ANK2: variants seen among roughly 807,000 people sequenced by gnomAD.
The protein encoded by ANK2 is ankyrin-2.
ANK2 carries 83 observed loss-of-function variants against 360.5 expected under a neutral mutation model. The observed-to-expected ratio is 0.23, with a 90% CI of 0.19 to 0.28. The LOEUF (loss-of-function observed/expected upper bound fraction) is 0.28, where lower values mean the gene tolerates loss of function less well. Ranked by LOEUF, ANK2 falls within the 10% of genes least tolerant of loss-of-function variation. The pLI, the probability that ANK2 is intolerant of heterozygous loss-of-function variation, is 1.00. For synonymous variants in ANK2, 1,740 were observed against 1,759.5 expected (o/e 0.99, Z 0.28); for missense variants, 4,201 against 4,795.7 (o/e 0.88, Z 3.66).
chr4:113,205,686 T>C (rs1276138520), intron 4 of ANK2, among the ~76,000 whole-genome samples: 1 of 152,138 alleles, frequency 6.6e-6, no homozygotes, highest in Non-Finnish European at 1.5e-5. Flanking sequence ...TTTATGGGGG[T>C]GCATGCACCC....
At chr4:112,801,959 T>C in the ANK2 span, among the ~76,000 whole-genome samples, 2 of 105,334 alleles carry the variant, frequency 1.9e-5, no homozygotes, top group East Asian at 1.7e-3. Flanking sequence ...AGACCATTCA[T>C]GATTTTTTTT....
At chr4:113,150,630 CTGAG>C (rs2097031949) in intron 1 of ANK2, among the ~76,000 whole-genome samples, 1 of 152,142 alleles carries the variant, frequency 6.6e-6, no homozygotes, top group South Asian at 2.1e-4. Flanking sequence ...TTCCCATGTC[CTGAG>C]AAAGCACAGG....
intron 45 of ANK2, among the ~76,000 whole-genome samples, chr4:113,376,576 T>C (rs377008273): frequency 7.1e-4 from 108 of 152,170 alleles, no homozygotes; most frequent in African/African-American, 2.4e-3. Flanking sequence ...TTTAATTTTT[T>C]TAAATCTTCC....
chr4:113,021,520 A>G (rs574572920), intron 2 of ANK2, among the ~76,000 whole-genome samples: 76 of 88,190 alleles, frequency 8.6e-4, no homozygotes, highest in African/African-American at 3.4e-3. Flanking sequence ...GTATATATAC[A>G]CACACACACC....
chr4:112,846,755 C>T (rs2063408775), intron 1 of ANK2, among the ~76,000 whole-genome samples: 1 of 152,170 alleles, frequency 6.6e-6, no homozygotes, highest in African/African-American at 2.4e-5. Context: ...ATCCCTGCAT[C>T]AGTCAGAGTG....
chr4:112,805,194 C>T, the ANK2 span, among the ~76,000 whole-genome samples: 1 of 151,988 alleles, frequency 6.6e-6, no homozygotes, highest in African/African-American at 2.4e-5. Flanking sequence ...GAAAATTAGG[C>T]CTCAAAAAGT....
intron 1 of ANK2, among the ~76,000 whole-genome samples, chr4:112,868,628 A>T (rs557789972): frequency 2.6e-5 from 4 of 152,254 alleles, no homozygotes; most frequent in African/African-American, 9.6e-5. Flanking sequence ...AGCAATGTCT[A>T]TTCAAATTTG....
rs1554280522 is a variant in ANK2, at chr4:113,213,959, T to TTA, written c.384+14851_384+14852insAT. The TTA allele has an allele frequency of 6.1e-6, 3 of 489,168 alleles. No individual in the cohort carries two copies. In the African/African-American group the frequency reaches 1.9e-4, roughly 31 times the overall value. 30.3% of individuals were successfully genotyped at this position (489,168 alleles called of 1,614,324 possible). A position where few individuals can be genotyped will look rare whatever the true frequency, so the allele number is the denominator to read the frequency against. On this transcript the variant is annotated intron_variant, in intron 4 of 45. Coordinates refer to ENST00000357077, the MANE Select transcript of ANK2 (RefSeq NM_001148.6). The stretch of plus-strand genomic sequence containing the variant: ...CGACAAAATGCTGTTTTATTTATTT[T>TTA]TTTTTTTTATTTTTTTTTTAAGTAC...
intron 2 of ANK2, among the ~76,000 whole-genome samples, chr4:112,931,692 G>T (rs1425439076): frequency 6.6e-6 from 1 of 151,976 alleles, no homozygotes; most frequent in African/African-American, 2.4e-5. Context: ...TTCCATAAAG[G>T]CTCCTGCCCA....
intron 1 of ANK2, among the ~76,000 whole-genome samples, chr4:113,075,898 C>T (rs2079739246): frequency 6.6e-6 from 1 of 152,156 alleles, no homozygotes. Flanking sequence ...ACAAAATCAT[C>T]TGCTGTTCTC....
chr4:112,849,646 T>C (rs2064161576), intron 1 of ANK2, among the ~76,000 whole-genome samples: 1 of 152,238 alleles, frequency 6.6e-6, no homozygotes, highest in South Asian at 2.1e-4. Context: ...TCCTCATTGC[T>C]GTCCAGAAAT....
chr4:112,967,844 T>G (rs568620364), intron 2 of ANK2, among the ~76,000 whole-genome samples: 2 of 152,280 alleles, frequency 1.3e-5, no homozygotes, highest in South Asian at 4.1e-4. Context: ...TCATTTCCCC[T>G]CTCAGCTTGA....
intron 2 of ANK2, among the ~76,000 whole-genome samples, chr4:113,023,036 G>A (rs2058506003): frequency 2.6e-5 from 4 of 152,034 alleles, no homozygotes; most frequent in Admixed American, 6.5e-5. Flanking sequence ...CTAATACCTA[G>A]GTGATGAGTT....
At chr4:113,209,674 G>A (rs573287382) in intron 4 of ANK2, among the ~76,000 whole-genome samples, 2 of 151,974 alleles carry the variant, frequency 1.3e-5, no homozygotes, top group Non-Finnish European at 2.9e-5. Flanking sequence ...AAAGGCGGGG[G>A]TAAATTTCAG....
intron 2 of ANK2, among the ~76,000 whole-genome samples, chr4:112,991,115 G>A (rs1411041121): frequency 1.3e-5 from 2 of 151,818 alleles, no homozygotes; most frequent in African/African-American, 4.8e-5. Flanking sequence ...GCTGGGCATG[G>A]TGATGCATGC....
At chr4:112,734,638 G>A in the ANK2 span, among the ~76,000 whole-genome samples, 3,016 of 152,246 alleles carry the variant, frequency 0.02, 112 homozygotes, top group African/African-American at 0.069. Context: ...TGGTTCTCTT[G>A]TATTCTTATG....
intron 1 of ANK2, among the ~76,000 whole-genome samples, chr4:113,064,448 G>C (rs1355770699): frequency 6.6e-6 from 1 of 152,074 alleles, no homozygotes; most frequent in Non-Finnish European, 1.5e-5. Flanking sequence ...GATTCAGCCA[G>C]GATTAAGGAG....
At chr4:113,192,051 A>G in intron 2 of ANK2, among the ~76,000 whole-genome samples, 1 of 152,206 alleles carries the variant, frequency 6.6e-6, no homozygotes, top group Non-Finnish European at 1.5e-5. Flanking sequence ...TCTACCAACA[A>G]AACCATTTCT....
chr4:113,273,092 G>A (rs997385369), intron 14 of ANK2, among the ~76,000 whole-genome samples: 1 of 151,896 alleles, frequency 6.6e-6, no homozygotes, highest in Non-Finnish European at 1.5e-5. Context: ...ACTTTGTTCC[G>A]ACAGGTCTGT....
Sources: gnomAD v4.1 joint callset for allele counts (sites outside exome capture counted in the v4.1 genomes callset) on GRCh38, gnomAD v4.1.1 for gene constraint, MANE v1.5 for transcripts, NCBI Gene and HGNC (gene_info 2026-07-23, HGNC 2026-07-21) for gene names.